MIB1: variants seen among roughly 807,000 people sequenced by gnomAD.
MIB1 encodes the protein E3 ubiquitin-protein ligase MIB1.
A neutral mutation model predicts 124.5 loss-of-function variants in MIB1; 278 were observed. The ratio of observed to expected loss-of-function variants is 2.23; its 90% CI spans 2.02 to 2.47. The LOEUF (loss-of-function observed/expected upper bound fraction) is 2.47. MIB1 is among the 30% of genes most tolerant of loss of function. The probability of loss-of-function intolerance (pLI) is 0.00; values close to 1 mark genes in which losing one functional copy is unlikely to be tolerated. For missense variants in MIB1, 957 were observed against 1,254.4 expected, an observed-to-expected ratio of 0.76 and a Z score of 3.58; for synonymous variants, 446 against 429.4, an observed-to-expected ratio of 1.04 and a Z score of -0.48.
Position 21,708,654 on chromosome 18 carries a change from G to GA in MIB1, n.167+3537dup, listed in dbSNP as rs1299159069. On this transcript the variant is annotated intron_variant and non_coding_transcript_variant, in intron 1 of 20. Coordinates refer to the MIB1 transcript ENST00000578646. ...CCTGGGCGACAGAGGGAAACTGCCT[G>GA]AAAAAACCCAAAAAACCAAGTAACT... Among the ~76,000 whole-genome samples, 6 of 152,014 alleles carry GA rather than the reference G, an allele frequency of 3.9e-5. No homozygotes were observed. In the South Asian group the frequency reaches 8.3e-4, roughly 21 times the overall value.
At chr18:21,748,364 C>CCTCCCTCT (rs2040934221) in intron 1 of MIB1, among the ~76,000 whole-genome samples, 1 of 112,840 alleles carries the variant, frequency 8.9e-6, no homozygotes, top group African/African-American at 3.4e-5. Flanking sequence ...TCCCTCCCTC[C>CCTCCCTCT]CTCCCTCTCT....
At chr18:21,727,721 T>C (rs1267110998) in intron 1 of MIB1, among the ~76,000 whole-genome samples, 1 of 152,154 alleles carries the variant, frequency 6.6e-6, no homozygotes, top group East Asian at 1.9e-4. Flanking sequence ...TGAGCTGCAC[T>C]GCAGCCTGGG....
At chr18:21,780,467 A>T (rs1438148369) in intron 6 of MIB1, among the ~76,000 whole-genome samples, 1 of 152,148 alleles carries the variant, frequency 6.6e-6, no homozygotes, top group African/African-American at 2.4e-5. Flanking sequence ...ATCTCCTCAT[A>T]TGAGTGAGAA....
At chr18:21,852,535 G>C (rs2042189142) in intron 17 of MIB1, among the ~76,000 whole-genome samples, 1 of 152,182 alleles carries the variant, frequency 6.6e-6, no homozygotes, top group Admixed American at 6.5e-5. Flanking sequence ...ACATGAAGAA[G>C]AGGTGAAAGT....
intron 12 of MIB1, among the ~76,000 whole-genome samples, chr18:21,835,911 A>G (rs758350390): frequency 3.3e-5 from 5 of 151,184 alleles, no homozygotes; most frequent in Non-Finnish European, 7.4e-5. Context: ...GTATACATCT[A>G]TAATCTTAGA....
intron 1 of MIB1, among the ~76,000 whole-genome samples, chr18:21,731,825 A>G (rs947713833): frequency 6.6e-6 from 1 of 151,930 alleles, no homozygotes; most frequent in African/African-American, 2.4e-5. Flanking sequence ...TTGTGGAAAA[A>G]TGGAATTAAA....
chr18:21,747,984 G>C (rs1440656298), intron 1 of MIB1, among the ~76,000 whole-genome samples: 3 of 152,164 alleles, frequency 2.0e-5, no homozygotes, highest in Non-Finnish European at 4.4e-5. Context: ...AGTATTTTCT[G>C]AATCAGACAC....
chr18:21,779,098 C>T (rs1568197690), intron 5 of MIB1, among the ~76,000 whole-genome samples: 2 of 151,954 alleles, frequency 1.3e-5, no homozygotes, highest in East Asian at 3.8e-4. Context: ...AAAAATAATT[C>T]CAGGGCTTTC....
At chr18:21,835,996 C>A (rs1308056798) in intron 12 of MIB1, among the ~76,000 whole-genome samples, 2 of 151,832 alleles carry the variant, frequency 1.3e-5, no homozygotes, top group Non-Finnish European at 1.5e-5. Flanking sequence ...TGCTTGTAAT[C>A]CCAGCACTTT....
chr18:21,804,066 T>A, intron 10 of MIB1, 52 bp downstream of exon 10: 5 of 1,223,098 alleles, frequency 4.1e-6, no homozygotes, highest in Non-Finnish European at 6.0e-6. Context: ...CTAGAAATAA[T>A]ACTTCTATAT....
chr18:21,773,788 C>T lies in MIB1; in HGVS notation c.636+60C>T, dbSNP rs1056941089. ...ATGTTGGATGGGTGAATAGCTCTTA[C>T]TGCTCTTTTATTATTTTTCCTTTGT... On this transcript the variant is annotated intron_variant, in intron 4 of 20. Coordinates refer to ENST00000261537, the MANE Select transcript of MIB1 (RefSeq NM_020774.4). 8 of 977,616 alleles carry T rather than the reference C, an allele frequency of 8.2e-6. No homozygotes were observed. In the African/African-American group the frequency reaches 1.2e-4, roughly 14 times the overall value. 60.6% of individuals were successfully genotyped at this position (977,616 alleles called of 1,614,324 possible).
intron 12 of MIB1, among the ~76,000 whole-genome samples, chr18:21,837,156 G>A (rs2042040969): frequency 6.6e-6 from 1 of 152,174 alleles, no homozygotes; most frequent in Admixed American, 6.5e-5. Context: ...TACAGCCATG[G>A]AAGGGGCTCT....
chr18:21,841,724 G>A (rs946804698), intron 13 of MIB1, among the ~76,000 whole-genome samples: 1 of 151,970 alleles, frequency 6.6e-6, no homozygotes, highest in African/African-American at 2.4e-5. Flanking sequence ...TTCTAGGTAT[G>A]TACCCAAGAG....
chr18:21,787,253 G>A (rs751251959), intron 6 of MIB1, among the ~76,000 whole-genome samples: 16 of 152,110 alleles, frequency 1.1e-4, no homozygotes, highest in Non-Finnish European at 2.2e-4. Flanking sequence ...CCCAAAAGTG[G>A]TACCTTGGCT....
intron 17 of MIB1, among the ~76,000 whole-genome samples, chr18:21,852,736 G>C (rs989317047): frequency 6.6e-6 from 1 of 152,164 alleles, no homozygotes; most frequent in Admixed American, 6.5e-5. Context: ...AATCTAGCTA[G>C]ATTTTTATTA....
chr18:21,747,132 A>G (rs2040920562), intron 1 of MIB1, among the ~76,000 whole-genome samples: 1 of 152,222 alleles, frequency 6.6e-6, no homozygotes, highest in African/African-American at 2.4e-5. Flanking sequence ...TTTATTAATG[A>G]CATCTGCAAG....
chr18:21,771,193 G>A (rs1037479537), intron 3 of MIB1, among the ~76,000 whole-genome samples: 1 of 152,166 alleles, frequency 6.6e-6, no homozygotes, highest in Non-Finnish European at 1.5e-5. Flanking sequence ...AATTACTGTA[G>A]TTATTTTCTT....
intron 5 of MIB1, among the ~76,000 whole-genome samples, chr18:21,778,696 G>A (rs2041321842): frequency 6.6e-6 from 1 of 152,020 alleles, no homozygotes. Context: ...TTTATTCTCT[G>A]AATGGTTTTC....
chr18:21,749,162 T>C (rs2040945714), intron 1 of MIB1, among the ~76,000 whole-genome samples: 1 of 152,200 alleles, frequency 6.6e-6, no homozygotes, highest in South Asian at 2.1e-4. Flanking sequence ...ATCTAATATG[T>C]ACTTCCTATA....
Sources: allele counts gnomAD v4.1 joint callset (sites outside exome capture counted in the v4.1 genomes callset), GRCh38; gene constraint gnomAD v4.1.1; transcripts MANE v1.5; gene names NCBI Gene and HGNC (gene_info 2026-07-23, HGNC 2026-07-21).